The following GRIK2 variants were observed in gnomAD, a reference collection of about 807,000 sequenced individuals.
GRIK2 encodes glutamate ionotropic receptor kainate type subunit 2, also known as glutamate receptor ionotropic, kainate 2.
Under a neutral mutation model 100.3 loss-of-function variants are expected in GRIK2, and 32 were observed. That is an observed-to-expected ratio of 0.32 (90% confidence interval 0.24 to 0.43). The LOEUF (loss-of-function observed/expected upper bound fraction) is 0.43, where lower values mean the gene tolerates loss of function less well. Among genes scored for constraint, GRIK2 ranks in the 20% least tolerant of loss-of-function variants. GRIK2 has a pLI of 1.00. For synonymous variants in GRIK2, 417 were observed against 389.4 expected, an observed-to-expected ratio of 1.07 and a Z score of -0.83; for missense variants, 843 against 1,114.9, an observed-to-expected ratio of 0.76 and a Z score of 3.47.
At chr6:101,925,301 T>C (rs1789816897) in intron 13 of GRIK2, among the ~76,000 whole-genome samples, 1 of 152,118 alleles carries the variant, frequency 6.6e-6, no homozygotes. Flanking sequence ...TTCGTAATTA[T>C]TTAAACTTTA....
chr6:101,885,059 C>CA (rs1786519613), intron 11 of GRIK2, among the ~76,000 whole-genome samples: 1 of 152,094 alleles, frequency 6.6e-6, no homozygotes, highest in Non-Finnish European at 1.5e-5. Context: ...TGCCGGCTTT[C>CA]AAGTGTTTTT....
intron 16 of GRIK2, 78 bp downstream of exon 16, chr6:102,055,658 T>A: frequency 1.0e-6 from 1 of 958,918 alleles, no homozygotes. Context: ...AGAGTTTTTA[T>A]GTTACCAACT....
Position 101,819,587 on chromosome 6 carries a change from A to G in GRIK2, c.1317+1104A>G, listed in dbSNP as rs142789847. On this transcript the variant is annotated intron_variant, in intron 10 of 16. Coordinates refer to ENST00000369134, the MANE Select transcript of GRIK2 (RefSeq NM_021956.5). Reference sequence around the variant, plus strand: ...AAGACACCCTTTTACTTAATTTTCTATCTTCCTTTCTTTTCAAAGATAACT... The same window carrying G: ...AAGACACCCTTTTACTTAATTTTCTGTCTTCCTTTCTTTTCAAAGATAACT... Among the ~76,000 whole-genome samples the G allele has an allele frequency of 6.9e-3, 1,054 of 152,152 alleles. 9 individuals carry two copies. The highest frequency in any genetic ancestry group is 0.044 in the South Asian group (213 of 4,822).
chr6:101,630,476 T>C (rs1362519154), intron 4 of GRIK2, among the ~76,000 whole-genome samples: 1 of 152,150 alleles, frequency 6.6e-6, no homozygotes, highest in Non-Finnish European at 1.5e-5. Flanking sequence ...TGCTGAACGT[T>C]TCTTTCATAT....
At chr6:101,877,752 G>A (rs529322509) in intron 11 of GRIK2, among the ~76,000 whole-genome samples, 2 of 151,942 alleles carry the variant, frequency 1.3e-5, no homozygotes, top group African/African-American at 4.8e-5. Flanking sequence ...ATACATCTAT[G>A]TTTGCTTTTT....
chr6:101,746,726 C>A (rs1240176151), intron 7 of GRIK2, among the ~76,000 whole-genome samples: 4 of 152,158 alleles, frequency 2.6e-5, no homozygotes, highest in African/African-American at 9.7e-5. Context: ...ATTTTCACTT[C>A]CACTTTCTAA....
intron 12 of GRIK2, among the ~76,000 whole-genome samples, chr6:101,901,604 A>C (rs1787851619): frequency 6.6e-6 from 1 of 151,906 alleles, no homozygotes; most frequent in African/African-American, 2.4e-5. Flanking sequence ...TTAAGTAATA[A>C]GAATAAGTCA....
chr6:101,561,646 A>G (rs2128295772), intron 2 of GRIK2, among the ~76,000 whole-genome samples: 1 of 152,224 alleles, frequency 6.6e-6, no homozygotes, highest in East Asian at 1.9e-4. Flanking sequence ...ATCAATAAAA[A>G]TACAGAAAAA....
At chr6:101,672,695 A>G (rs960392090) in intron 4 of GRIK2, among the ~76,000 whole-genome samples, 1 of 152,086 alleles carries the variant, frequency 6.6e-6, no homozygotes, top group Non-Finnish European at 1.5e-5. Flanking sequence ...AATCAGCATA[A>G]TACCAATAGG....
At chr6:101,467,698 C>T (rs913051529) in intron 2 of GRIK2, among the ~76,000 whole-genome samples, 1 of 152,116 alleles carries the variant, frequency 6.6e-6, no homozygotes, top group African/African-American at 2.4e-5. Context: ...TTTAAGATGT[C>T]TATCTACTCT....
intron 14 of GRIK2, among the ~76,000 whole-genome samples, chr6:101,977,677 G>A (rs921252573): frequency 1.3e-5 from 2 of 151,896 alleles, no homozygotes; most frequent in African/African-American, 2.4e-5. Flanking sequence ...GGAGGCTGTC[G>A]GCCAACTCTG....
chr6:101,950,654 A>C (rs934446838), intron 14 of GRIK2, among the ~76,000 whole-genome samples: 6 of 152,106 alleles, frequency 3.9e-5, no homozygotes, highest in Admixed American at 3.9e-4. Flanking sequence ...CTACTTGCTT[A>C]GTTATTTCCT....
At chr6:101,468,587 C>T (rs974644501) in intron 2 of GRIK2, among the ~76,000 whole-genome samples, 3 of 151,892 alleles carry the variant, frequency 2.0e-5, no homozygotes, top group Non-Finnish European at 2.9e-5. Context: ...ATGGTTGCCT[C>T]TTGTAGTTTT....
At chr6:101,409,693 G>A (rs149337536) in intron 2 of GRIK2, among the ~76,000 whole-genome samples, 19 of 152,010 alleles carry the variant, frequency 1.2e-4, no homozygotes, top group Non-Finnish European at 2.1e-4. Context: ...TGAAGAATGA[G>A]TATTATTTGC....
intron 7 of GRIK2, among the ~76,000 whole-genome samples, chr6:101,723,832 T>C (rs1774663025): frequency 6.6e-6 from 1 of 152,078 alleles, no homozygotes; most frequent in Non-Finnish European, 1.5e-5. Context: ...TCTAACTGAT[T>C]GTCATGTCTT....
chr6:101,602,581 A>G (rs939990202), intron 2 of GRIK2, among the ~76,000 whole-genome samples: 1 of 151,412 alleles, frequency 6.6e-6, no homozygotes, highest in East Asian at 1.9e-4. Context: ...AATGGAGGGT[A>G]ATTTATTGAT....
At chr6:101,916,139 G>C (rs1379928825) in intron 12 of GRIK2, among the ~76,000 whole-genome samples, 3 of 151,214 alleles carry the variant, frequency 2.0e-5, no homozygotes, top group Non-Finnish European at 3.0e-5. Context: ...GTTCCTTAAG[G>C]ATTTCATATC....
intron 4 of GRIK2, among the ~76,000 whole-genome samples, chr6:101,633,253 C>T (rs1780848715): frequency 6.6e-6 from 1 of 152,054 alleles, no homozygotes; most frequent in Non-Finnish European, 1.5e-5. Flanking sequence ...CAAAAATTGG[C>T]ATATATCCAT....
At chr6:101,545,714 A>G (rs1044585656) in intron 2 of GRIK2, among the ~76,000 whole-genome samples, 14 of 152,266 alleles carry the variant, frequency 9.2e-5, no homozygotes, top group Non-Finnish European at 1.9e-4. Context: ...TTTAATTTTG[A>G]CTCAACTTGA....
Sources: allele counts gnomAD v4.1 joint callset (sites outside exome capture counted in the v4.1 genomes callset), GRCh38; gene constraint gnomAD v4.1.1; transcripts MANE v1.5; gene names NCBI Gene and HGNC (gene_info 2026-07-23, HGNC 2026-07-21).